Variants in CHFR observed in about 807,000 individuals in gnomAD.
CHFR encodes checkpoint with forkhead and ring finger domains.
In CHFR, 57 loss-of-function variants were observed where a neutral mutation model predicts 87.6. The ratio of observed to expected loss-of-function variants is 0.65; its 90% CI spans 0.53 to 0.81. The LOEUF (loss-of-function observed/expected upper bound fraction) is 0.81. Ranked by LOEUF, CHFR falls within the 30% of genes least tolerant of loss-of-function variation. The pLI is 0.00. For synonymous variants in CHFR, 381 were observed against 359.2 expected (o/e 1.06, Z -0.69); for missense variants, 797 against 865.8 (o/e 0.92, Z 1.00).
chr12:132,880,252 G>A (rs1427816808), intron 2 of CHFR, among the ~76,000 whole-genome samples: 1 of 152,178 alleles, frequency 6.6e-6, no homozygotes, highest in African/African-American at 2.4e-5. Context: ...ACTTCCAGTG[G>A]AAAAGACAGG....
intron 15 of CHFR, among the ~76,000 whole-genome samples, chr12:132,845,606 T>C (rs1367231072): frequency 2.0e-5 from 3 of 152,172 alleles, no homozygotes; most frequent in Non-Finnish European, 2.9e-5. Flanking sequence ...GCTGTGATCA[T>C]GCCCCTGCAC....
chr12:132,844,876 G>C (rs910084537), intron 15 of CHFR, among the ~76,000 whole-genome samples: 1 of 147,558 alleles, frequency 6.8e-6, no homozygotes, highest in East Asian at 2.1e-4. Flanking sequence ...CAGATGATCC[G>C]CCCGCCTCGG....
intron 2 of CHFR, among the ~76,000 whole-genome samples, chr12:132,879,501 C>T (rs1951717593): frequency 6.6e-6 from 1 of 151,960 alleles, no homozygotes; most frequent in Admixed American, 6.6e-5. Context: ...AGCGATTCTC[C>T]TGCCTCAGCC....
chr12:132,872,421 T>C (rs752129222), intron 3 of CHFR, 27 bp from the exon 4 acceptor site: 1 of 1,539,966 alleles, frequency 6.5e-7, no homozygotes, highest in Admixed American at 1.7e-5. Flanking sequence ...ACACAATTTA[T>C]TCTACTTAAA....
In CHFR at chr12:132,853,525, C is replaced by T. The variant is rs777240371; in HGVS notation, c.1278G>A (p.Ala426=). Residue 426 remains alanine, a synonymous_variant, in exon 11 of 18, where the codon GCG becomes GCA. Transcript: ENST00000450056. The stretch of plus-strand genomic sequence containing the variant: ...GTGCTGGGCAGTGGGGAGGCTGCGC[C>T]GCCTGCCTTCTGTACTCAGGACACT... The part of the protein sequence containing the change: ...CRQCPEYRRQ[A]AQPPHCPAPE... 27 of 1,530,658 alleles carry T rather than the reference C, an allele frequency of 1.8e-5. No homozygotes were observed. The highest frequency in any genetic ancestry group is 2.5e-5 in the East Asian group (1 of 39,414). 94.8% of individuals were successfully genotyped at this position (1,530,658 alleles called of 1,614,324 possible). A position where few individuals can be genotyped will look rare whatever the true frequency, so the allele number is the denominator to read the frequency against.
chr12:132,853,096 G>A (rs983570814), intron 11 of CHFR, among the ~76,000 whole-genome samples: 4 of 152,210 alleles, frequency 2.6e-5, no homozygotes, highest in Non-Finnish European at 5.9e-5. Flanking sequence ...ACAGATATGC[G>A]ATCATCACTT....
intron 15 of CHFR, among the ~76,000 whole-genome samples, chr12:132,846,025 G>A (rs1188616402): frequency 6.6e-6 from 1 of 152,180 alleles, no homozygotes; most frequent in Non-Finnish European, 1.5e-5. Flanking sequence ...CTCACTAGAA[G>A]CAGGGAGCTC....
At chr12:132,857,114 G>T (rs1255087798) in intron 9 of CHFR, among the ~76,000 whole-genome samples, 3 of 135,650 alleles carry the variant, frequency 2.2e-5, no homozygotes. Flanking sequence ...GCCCTCACGT[G>T]CCCGGGTGCT....
At chr12:132,862,888 A>G (rs1206455079) in intron 6 of CHFR, among the ~76,000 whole-genome samples, 1 of 145,702 alleles carries the variant, frequency 6.9e-6, no homozygotes, top group African/African-American at 2.5e-5. Flanking sequence ...CCAAGACCTC[A>G]TTTCTTTTGT....
intron 2 of CHFR, among the ~76,000 whole-genome samples, chr12:132,881,257 C>CAAA (rs34009587): frequency 8.4e-6 from 1 of 119,520 alleles, no homozygotes; most frequent in African/African-American, 2.8e-5. Flanking sequence ...GACTCCATCT[C>CAAA]AAAAAAAAAA....
At chr12:132,887,380 CCA>C in intron 1 of CHFR, 40 bp from the exon 2 acceptor site, 1 of 1,265,720 alleles carries the variant, frequency 7.9e-7, no homozygotes, top group Non-Finnish European at 1.0e-6. Context: ...ACTCCCGACC[CCA>C]GAGGCCGAGA....
intron 12 of CHFR, among the ~76,000 whole-genome samples, chr12:132,851,388 AG>A (rs2136943847): frequency 6.6e-6 from 1 of 152,300 alleles, no homozygotes; most frequent in South Asian, 2.1e-4. Context: ...CACAGATCCA[AG>A]CCGAGCCCCC....
At position 132,843,060 on chromosome 12, in the gene CHFR, A is replaced by G. The variant is rs1212784968; in HGVS notation, c.1867T>C (p.Cys623Arg). The change falls in exon 17 of 18, where the codon TGC (cysteine) becomes CGC (arginine). Residue 623 changes from cysteine (C) to arginine (R), a missense_variant. Physicochemically the swap from Cys to Arg is radical, Grantham distance 180. Coordinates refer to ENST00000450056, the MANE Select transcript of CHFR (RefSeq NM_001161346.2). Reference sequence around the variant, plus strand: ...GTGCGGCAGTTACGGCCCCAGTAGCAGTCAGGACGGGATGTTACGGCCACT... The same window carrying G: ...GTGCGGCAGTTACGGCCCCAGTAGCGGTCAGGACGGGATGTTACGGCCACT... ...LPVAVTSRPD[C>R]YWGRNCRTQV... is the part of the protein sequence containing the mutation. 6.2e-7 allele frequency: 1 copy of G among 1,613,584 alleles called. No individual in the cohort carries two copies. Among genetic ancestry groups the G allele is most frequent in the Non-Finnish European group, 8.5e-7 (1 of 1,179,832 alleles).
Position 132,870,782 on chromosome 12 carries a change from G to A in CHFR, c.345C>T (p.Asn115=), listed in dbSNP as rs368692761. The A allele has an allele frequency of 1.5e-5, 24 of 1,602,110 alleles. No individual in the cohort carries two copies. The highest frequency in any genetic ancestry group is 1.1e-4 in the South Asian group (10 of 90,576). Residue 115 remains asparagine (N), a splice_region_variant and synonymous_variant, in exon 5 of 18, where the codon AAC becomes AAT. Transcript: ENST00000450056. The part of the protein sequence containing the change: ...LVYRKNEPEH[N]VAYLYESLSE... ...TTAAAGATTCATAGAGGTATGCCACGTCTAAAAGAAAATCAATCAAATCAG... is the reference window on the plus strand; with the variant it reads ...TTAAAGATTCATAGAGGTATGCCACATCTAAAAGAAAATCAATCAAATCAG...
chr12:132,866,637 A>AAATGTTACAACACACCGG (rs1392864423), intron 6 of CHFR: 3 of 151,698 alleles, frequency 2.0e-5, no homozygotes, highest in Non-Finnish European at 4.4e-5. Context: ...GCGTAACACC[A>AAATGTTACAACACACCGG]AATGTTACAA....
intron 10 of CHFR, among the ~76,000 whole-genome samples, chr12:132,855,871 T>C (rs955060058): frequency 2.6e-5 from 4 of 152,032 alleles, no homozygotes; most frequent in African/African-American, 9.7e-5. Flanking sequence ...TTGTCGTTCA[T>C]TGTCTTTTTA....
In CHFR at chr12:132,840,955, AAAT is replaced by A. The variant is rs1950695202; in HGVS notation, c.*596_*598del. 2 of 152,622 alleles carry A rather than the reference AAAT, an allele frequency of 1.3e-5. No homozygotes were observed. Among genetic ancestry groups the A allele is most frequent in the Admixed American group, 1.3e-4 (2 of 15,294 alleles). The allele number at this position is 152,622 out of a possible 1,614,324, so 9.5% of individuals were successfully genotyped here. Reference sequence around the variant, plus strand: ...AACAGAAGCATATGCTTATTCTTTCAAATACCATACTATACCCAATTTTAGTCA... The same window carrying A: ...AACAGAAGCATATGCTTATTCTTTCAACCATACTATACCCAATTTTAGTCA... On this transcript the variant is annotated 3_prime_UTR_variant, in exon 18 of 18. Transcript: ENST00000450056.
At chr12:132,864,108 C>T (rs965844413) in intron 6 of CHFR, among the ~76,000 whole-genome samples, 1 of 151,430 alleles carries the variant, frequency 6.6e-6, no homozygotes, top group Non-Finnish European at 1.5e-5. Context: ...TTAATAAAGA[C>T]TTAGTTTATC....
rs1303108642 is a variant in CHFR, at chr12:132,834,392, C to T, written c.*7162G>A. 1 of 152,322 alleles carries T rather than the reference C, an allele frequency of 6.6e-6. No homozygotes were observed. The highest frequency in any genetic ancestry group is 1.9e-4 in the East Asian group (1 of 5,186). The allele number at this position is 152,322 out of a possible 1,614,324, so 9.4% of individuals were successfully genotyped here. ...ACAGCACCTCTGAGACAGACTGGAC[C>T]CTTCCTGAAAACAAAAACCAAACGG... On this transcript the variant is annotated 3_prime_UTR_variant, in exon 18 of 18. Transcript: ENST00000450056.
Sources: allele counts gnomAD v4.1 joint callset (sites outside exome capture counted in the v4.1 genomes callset), GRCh38; gene constraint gnomAD v4.1.1; transcripts MANE v1.5; gene names NCBI Gene and HGNC (gene_info 2026-07-23, HGNC 2026-07-21).